The following VPS13A variants were observed in gnomAD, a reference collection of about 807,000 sequenced individuals.
VPS13A encodes intermembrane lipid transfer protein VPS13A.
Under a neutral mutation model 390.9 loss-of-function variants are expected in VPS13A, and 264 were observed. The observed-to-expected ratio is 0.68, with a 90% CI of 0.61 to 0.75. The LOEUF is 0.75. Among genes scored for constraint, VPS13A ranks in the 30% least tolerant of loss-of-function variants. The probability of loss-of-function intolerance (pLI) is 0.00; values close to 1 mark genes in which losing one functional copy is unlikely to be tolerated. For synonymous variants in VPS13A, 1,231 were observed against 1,227.1 expected, an observed-to-expected ratio of 1.00 and a Z score of -0.07; for missense variants, 3,409 against 3,733.9, an observed-to-expected ratio of 0.91 and a Z score of 2.27.
chr9:77,406,931 C>T (rs1834640499), intron 70 of VPS13A, among the ~76,000 whole-genome samples: 2 of 152,116 alleles, frequency 1.3e-5, no homozygotes, highest in African/African-American at 4.8e-5. Context: ...TGCTCTGAGA[C>T]AGTCCCACTC....
chr9:77,331,151 A>G (rs1402628415), intron 45 of VPS13A, among the ~76,000 whole-genome samples: 1 of 152,002 alleles, frequency 6.6e-6, no homozygotes, highest in Non-Finnish European at 1.5e-5. Context: ...TTATAATGAA[A>G]GTGGTGTGGT....
At chr9:77,201,703 T>G (rs1825339789) in intron 3 of VPS13A, among the ~76,000 whole-genome samples, 1 of 152,182 alleles carries the variant, frequency 6.6e-6, no homozygotes, top group Non-Finnish European at 1.5e-5. Flanking sequence ...CCTAGGTTTC[T>G]GTCTAGTTAC....
intron 17 of VPS13A, among the ~76,000 whole-genome samples, chr9:77,228,942 C>CT (rs1233091481): frequency 3.9e-5 from 6 of 152,176 alleles, no homozygotes; most frequent in Admixed American, 2.0e-4. Context: ...GGAAGCCACC[C>CT]CCATGATTCA....
Position 77,214,350 on chromosome 9 carries a change from G to C in VPS13A, c.718G>C (p.Val240Leu). Residue 240 changes from valine to leucine, a missense_variant, in exon 10 of 72, where the codon GTC (valine) becomes CTC (leucine). This residue lies in a region of VPS13A where 2,717 missense variants were observed against 2,917.4 expected (regional missense o/e 0.93). Coordinates refer to ENST00000360280, the MANE Select transcript of VPS13A (RefSeq NM_033305.3). Reference sequence around the variant, plus strand: ...ATAGGACGACTTGAAGAATGGCATTGTCAATGAAAATATTGTTCCAGAAGG... The same window carrying C: ...ATAGGACGACTTGAAGAATGGCATTCTCAATGAAAATATTGTTCCAGAAGG... ...NSLDDLKNGI[V>L]NENIVPEGYD... 2 of 1,613,012 alleles carry C rather than the reference G, an allele frequency of 1.2e-6. No individual in the cohort carries two copies. The highest frequency in any genetic ancestry group is 8.5e-7 in the Non-Finnish European group (1 of 1,179,236).
chr9:77,276,211 A>G lies in VPS13A; in HGVS notation c.2814A>G (p.Pro938=), dbSNP rs145346590. 1,092 of 1,605,906 alleles carry G rather than the reference A, an allele frequency of 6.8e-4. 3 individuals are homozygous for G. The highest frequency in any genetic ancestry group is 2.9e-3 in the Admixed American group (175 of 59,730). The change falls in exon 26 of 72, where the codon CCA becomes CCG. Residue 938 remains proline, a synonymous_variant. Transcript: ENST00000360280. ...AFLKEFCLKC[P]EYLDENKKPV... Reference sequence around the variant, plus strand: ...TGAAAGAGTTCTGCTTAAAATGCCCAGAATACTTGGGTAAGAATCTCTATT... The same window carrying G: ...TGAAAGAGTTCTGCTTAAAATGCCCGGAATACTTGGGTAAGAATCTCTATT...
chr9:77,217,795 T>A (rs1335737162), intron 10 of VPS13A, among the ~76,000 whole-genome samples: 1 of 151,592 alleles, frequency 6.6e-6, no homozygotes, highest in Admixed American at 6.6e-5. Flanking sequence ...TTTTTTTTTT[T>A]GGATAGAATG....
chr9:77,333,151 TGAA>T (rs1830365601), intron 46 of VPS13A, among the ~76,000 whole-genome samples: 1 of 152,222 alleles, frequency 6.6e-6, no homozygotes, highest in Non-Finnish European at 1.5e-5. Context: ...AAAATTTCTG[TGAA>T]GAACTTTCAT....
rs962582424 is a variant in VPS13A, at chr9:77,267,338, A to T, written c.2428-5942A>T. On this transcript the variant is annotated intron_variant, in intron 23 of 71. Coordinates refer to ENST00000360280, the MANE Select transcript of VPS13A (RefSeq NM_033305.3). ...AGTCTTTGAAGTTGGTGACCTTCGG[A>T]TGGGGTTTCTGTGTGGACGTCCTTT... is the stretch of plus-strand genomic sequence containing the variant. Among the ~76,000 whole-genome samples the T allele has an allele frequency of 3.3e-5, 5 of 151,954 alleles. No homozygotes were observed. In the East Asian group the frequency reaches 9.7e-4, roughly 29 times the overall value.
intron 68 of VPS13A, among the ~76,000 whole-genome samples, chr9:77,392,415 T>C (rs1178359502): frequency 6.6e-6 from 1 of 152,204 alleles, no homozygotes; most frequent in Non-Finnish European, 1.5e-5. Flanking sequence ...CTGAGTTCAA[T>C]TGTAGCCTTT....
At chr9:77,203,181 G>GT (rs775927652) in intron 3 of VPS13A, among the ~76,000 whole-genome samples, 14 of 152,146 alleles carry the variant, frequency 9.2e-5, no homozygotes, top group Non-Finnish European at 2.1e-4. Flanking sequence ...TATAAAAGAG[G>GT]TTGTCTTCTG....
At chr9:77,179,193 G>A (rs1256634404) in intron 1 of VPS13A, among the ~76,000 whole-genome samples, 1 of 152,188 alleles carries the variant, frequency 6.6e-6, no homozygotes. Flanking sequence ...CAGGGTGGAG[G>A]TTTGTCTAGA....
intron 3 of VPS13A, among the ~76,000 whole-genome samples, chr9:77,204,318 A>ATACT: frequency 6.6e-6 from 1 of 152,202 alleles, no homozygotes; most frequent in Non-Finnish European, 1.5e-5. Context: ...TTCTCAAGAT[A>ATACT]CAAAACTAGA....
chr9:77,290,594 C>CTTATAGTTTAT (rs1827594558), intron 31 of VPS13A, among the ~76,000 whole-genome samples: 1 of 152,034 alleles, frequency 6.6e-6, no homozygotes, highest in African/African-American at 2.4e-5. Flanking sequence ...TTTATAGTCC[C>CTTATAGTTTAT]ACAGCCTTTG....
At position 77,206,329 on chromosome 9, in the gene VPS13A, T is replaced by TATATATATATATA. The variant is rs776724808; in HGVS notation, c.385+250_385+251insATATATATATATA. ...TATTATTATTAGGTTTACATATTTT[T>TATATATATATATA]TATATATATATATATACACACACAC... On this transcript the variant is annotated intron_variant, in intron 5 of 71. Coordinates refer to ENST00000360280, the MANE Select transcript of VPS13A (RefSeq NM_033305.3). Among the ~76,000 whole-genome samples, 24 of 146,596 alleles carry TATATATATATATA rather than the reference T, an allele frequency of 1.6e-4. No individual in the cohort carries two copies. The South Asian group carries it at 3.3e-3, about 20-fold the overall frequency.
At chr9:77,227,308 A>G (rs1325788404) in intron 15 of VPS13A, 83 bp from the exon 16 acceptor site, 1 of 999,494 alleles carries the variant, frequency 1.0e-6, no homozygotes, top group East Asian at 2.6e-5. Flanking sequence ...TAAATTTCAC[A>G]TTCTGTTTAT....
chr9:77,371,694 A>C (rs1176504145), intron 67 of VPS13A, among the ~76,000 whole-genome samples: 5 of 151,024 alleles, frequency 3.3e-5, no homozygotes, highest in Admixed American at 6.6e-5. Context: ...TTTAGGGTAC[A>C]TGTGCACATT....
rs188146487 is a variant in VPS13A, at chr9:77,382,421, T to G, written c.9189+334T>G. On this transcript the variant is annotated intron_variant, in intron 68 of 71. Coordinates refer to ENST00000360280, the MANE Select transcript of VPS13A (RefSeq NM_033305.3). Reference sequence around the variant, plus strand: ...AGAAAACCTTTTGTATTGGTAACTTTTAATAGGAATTTTAATGAATCTGGT... The same window carrying G: ...AGAAAACCTTTTGTATTGGTAACTTGTAATAGGAATTTTAATGAATCTGGT... 3.2e-4 allele frequency: 460 copies of G among 1,420,992 alleles called. 4 individuals carry two copies. The African/African-American group carries it at 6.3e-3, about 19-fold the overall frequency. The allele number at this position is 1,420,992 out of a possible 1,614,324, so 88.0% of individuals were successfully genotyped here.
chr9:77,229,148 G>T (rs1823682425), intron 17 of VPS13A, among the ~76,000 whole-genome samples: 1 of 151,872 alleles, frequency 6.6e-6, no homozygotes, highest in Non-Finnish European at 1.5e-5. Context: ...GTAGGGTCTT[G>T]GCTCACTGCA....
intron 68 of VPS13A, among the ~76,000 whole-genome samples, chr9:77,383,462 T>C (rs1286844378): frequency 6.6e-6 from 1 of 152,012 alleles, no homozygotes. Flanking sequence ...TTCTACCCAA[T>C]ACCTGCCTTC....
Sources: allele counts gnomAD v4.1 joint callset (sites outside exome capture counted in the v4.1 genomes callset), GRCh38; gene constraint gnomAD v4.1.1; regional missense constraint gnomAD v4.1.1; transcripts MANE v1.5; gene names NCBI Gene and HGNC (gene_info 2026-07-23, HGNC 2026-07-21).